Variants in CDH20 observed in about 807,000 individuals in gnomAD.
CDH20 encodes the protein cadherin-20.
In CDH20, 29 loss-of-function variants were observed where a neutral mutation model predicts 74.2. The ratio of observed to expected loss-of-function variants is 0.39; its 90% confidence interval spans 0.29 to 0.53. CDH20 has a LOEUF of 0.53. Among genes scored for constraint, CDH20 ranks in the 20% least tolerant of loss-of-function variants. The pLI is 0.69. For missense variants in CDH20, 988 were observed against 1,048.3 expected, an observed-to-expected ratio of 0.94 and a Z score of 0.79; for synonymous variants, 469 against 405.4, an observed-to-expected ratio of 1.16 and a Z score of -1.88.
In CDH20 at chr18:61,549,989, C is replaced by A. The variant is rs776559067; in HGVS notation, c.1660C>A (p.Arg554=). 5 of 1,613,946 alleles carry A rather than the reference C, an allele frequency of 3.1e-6. No individual in the cohort carries two copies. Among genetic ancestry groups the A allele is most frequent in the Non-Finnish European group, 1.7e-6 (2 of 1,179,888 alleles). ...TIRDNQDNTA[R]ILTRRSGFRQ... is the part of the protein sequence containing the mutation. ...CCTCCTTCTTTCAGATAACACAGCA[C>A]GGATTCTAACCAGGAGGTCTGGTTT... The change falls in exon 11 of 12, where the codon CGG becomes AGG. Residue 554 remains arginine (R), a synonymous_variant. Coordinates refer to ENST00000262717, the MANE Select transcript of CDH20 (RefSeq NM_031891.4).
Position 61,433,278 on chromosome 18 carries a change from C to T in CDH20, c.-152-57124C>T, listed in dbSNP as rs1879499196. On this transcript the variant is annotated intron_variant, in intron 1 of 11. Transcript: ENST00000262717. Reference sequence around the variant, plus strand: ...CAAGTGTTACTAATATGTGTTTAGTCAAACATCTCAGTAGGGGCACCTTGT... The same window carrying T: ...CAAGTGTTACTAATATGTGTTTAGTTAAACATCTCAGTAGGGGCACCTTGT... 2.0e-5 allele frequency among the ~76,000 whole-genome samples: 3 copies of T among 152,082 alleles called. No individual in the cohort carries two copies. In the South Asian group the frequency reaches 6.2e-4, roughly 31 times the overall value.
chr18:61,482,624 A>G (rs1261462729), intron 1 of CDH20, among the ~76,000 whole-genome samples: 3 of 146,124 alleles, frequency 2.1e-5, no homozygotes, highest in African/African-American at 7.7e-5. Flanking sequence ...CATTGCCCAC[A>G]TATATTAGTA....
intron 1 of CDH20, among the ~76,000 whole-genome samples, chr18:61,438,013 T>C (rs1056007320): frequency 1.3e-5 from 2 of 152,136 alleles, no homozygotes; most frequent in Non-Finnish European, 2.9e-5. Context: ...CAAAATCCTG[T>C]GGATGATCAA....
intron 1 of CDH20, among the ~76,000 whole-genome samples, chr18:61,350,600 G>A (rs975722877): frequency 3.9e-5 from 6 of 152,122 alleles, no homozygotes; most frequent in African/African-American, 1.4e-4. Context: ...TGAACTGCCC[G>A]CTAAATAGGG....
chr18:61,549,172 TA>T (rs1913348516), intron 10 of CDH20, among the ~76,000 whole-genome samples: 1 of 152,208 alleles, frequency 6.6e-6, no homozygotes. Context: ...ATGTAGATTT[TA>T]AAAATGAAAA....
intron 1 of CDH20, among the ~76,000 whole-genome samples, chr18:61,463,094 G>A (rs978235284): frequency 6.6e-6 from 1 of 152,002 alleles, no homozygotes; most frequent in Non-Finnish European, 1.5e-5. Flanking sequence ...TGTCTTCCTG[G>A]ACTTAGAATT....
intron 6 of CDH20, among the ~76,000 whole-genome samples, chr18:61,527,377 A>AGATAGATAGAT (rs1568177652): frequency 2.7e-5 from 4 of 149,432 alleles, no homozygotes; most frequent in Admixed American, 1.3e-4. Context: ...ATAGATAGAT[A>AGATAGATAGAT]GATAGATAGA....
intron 1 of CDH20, among the ~76,000 whole-genome samples, chr18:61,433,906 C>T (rs1350618065): frequency 2.0e-5 from 3 of 152,000 alleles, no homozygotes; most frequent in Non-Finnish European, 4.4e-5. Context: ...GAAAACAGAA[C>T]CTTAGAAACA....
intron 11 of CDH20, among the ~76,000 whole-genome samples, chr18:61,550,784 A>C (rs1913407034): frequency 6.6e-6 from 1 of 152,210 alleles, no homozygotes; most frequent in Non-Finnish European, 1.5e-5. Context: ...TATTACAGGA[A>C]GGGAAGAGGG....
chr18:61,417,300 G>T (rs1472615207), intron 1 of CDH20, among the ~76,000 whole-genome samples: 1 of 151,648 alleles, frequency 6.6e-6, no homozygotes, highest in Non-Finnish European at 1.5e-5. Flanking sequence ...TACCTGTAAG[G>T]GTATTTAGAC....
At chr18:61,475,653 A>G (rs1008626904) in intron 1 of CDH20, among the ~76,000 whole-genome samples, 1 of 152,212 alleles carries the variant, frequency 6.6e-6, no homozygotes. Flanking sequence ...GTATGAATAG[A>G]TATCATTGAT....
chr18:61,428,926 C>T (rs1599078842), intron 1 of CDH20, among the ~76,000 whole-genome samples: 1 of 152,334 alleles, frequency 6.6e-6, no homozygotes, highest in Non-Finnish European at 1.5e-5. Flanking sequence ...AAGGCTCAAC[C>T]ATATGCCTCC....
chr18:61,381,727 C>T (rs1911438359), intron 1 of CDH20, among the ~76,000 whole-genome samples: 1 of 152,168 alleles, frequency 6.6e-6, no homozygotes, highest in South Asian at 2.1e-4. Context: ...CATTAGGAAC[C>T]TGTAGAATCT....
At chr18:61,344,069 G>A (rs760845104) in intron 1 of CDH20, among the ~76,000 whole-genome samples, 4 of 152,168 alleles carry the variant, frequency 2.6e-5, no homozygotes, top group Non-Finnish European at 4.4e-5. Context: ...CTTTCTTAGA[G>A]GCTATTGGTT....
chr18:61,553,399 G>A (rs982258351), intron 11 of CDH20, among the ~76,000 whole-genome samples: 2 of 152,136 alleles, frequency 1.3e-5, no homozygotes, highest in African/African-American at 2.4e-5. Context: ...TTCTAGGGGG[G>A]AAAAATGCAT....
At chr18:61,535,292 G>A (rs1356787737) in intron 7 of CDH20, among the ~76,000 whole-genome samples, 1 of 151,528 alleles carries the variant, frequency 6.6e-6, no homozygotes, top group Admixed American at 6.6e-5. Context: ...CTCCAGCCTG[G>A]GCAAGACAGC....
At chr18:61,548,566 A>G (rs1389084018) in intron 10 of CDH20, among the ~76,000 whole-genome samples, 2 of 152,242 alleles carry the variant, frequency 1.3e-5, no homozygotes, top group Non-Finnish European at 2.9e-5. Flanking sequence ...ATTAAGGGGT[A>G]ATGTGTTACT....
intron 1 of CDH20, among the ~76,000 whole-genome samples, chr18:61,446,017 T>G (rs1045452348): frequency 2.0e-5 from 3 of 152,002 alleles, no homozygotes; most frequent in African/African-American, 7.2e-5. Context: ...AGCAGCTGGG[T>G]TCCAATGACA....
chr18:61,426,975 G>A (rs779053013), intron 1 of CDH20, among the ~76,000 whole-genome samples: 29 of 152,118 alleles, frequency 1.9e-4, no homozygotes, highest in Non-Finnish European at 3.4e-4. Context: ...ACCGAAGCAT[G>A]TTTTAAGAAG....
Sources: gnomAD v4.1 joint callset for allele counts (sites outside exome capture counted in the v4.1 genomes callset) on GRCh38, gnomAD v4.1.1 for gene constraint, MANE v1.5 for transcripts, NCBI Gene and HGNC (gene_info 2026-07-23, HGNC 2026-07-21) for gene names.